The following RERG variants were observed in gnomAD, a reference collection of about 807,000 sequenced individuals.
RERG encodes ras-related and estrogen-regulated growth inhibitor.
Under a neutral mutation model 23.2 loss-of-function variants are expected in RERG, and 25 were observed. The observed-to-expected ratio is 1.08, with a 90% CI of 0.79 to 1.50. The LOEUF (loss-of-function observed/expected upper bound fraction) is 1.50, where lower values mean the gene tolerates loss of function less well. Among genes scored for constraint, RERG ranks in the 40% most tolerant of loss-of-function variants. The pLI, the probability that RERG is intolerant of heterozygous loss-of-function variation, is 0.00. For missense variants in RERG, 253 were observed against 250.1 expected (o/e 1.01, Z -0.08); for synonymous variants, 81 against 89.1 (o/e 0.91, Z 0.51).
intron 2 of RERG, among the ~76,000 whole-genome samples, chr12:15,180,051 C>A (rs990307201): frequency 6.6e-6 from 1 of 151,984 alleles, no homozygotes; most frequent in Non-Finnish European, 1.5e-5. Context: ...TGGGAGAAAC[C>A]TGATGGAGGA....
intron 1 of RERG, among the ~76,000 whole-genome samples, chr12:15,218,536 G>T (rs550141693): frequency 6.6e-6 from 1 of 152,132 alleles, no homozygotes; most frequent in African/African-American, 2.4e-5. Flanking sequence ...GGTATGAAAG[G>T]TGGGCTCATT....
intron 2 of RERG, among the ~76,000 whole-genome samples, chr12:15,206,111 C>A (rs958276369): frequency 2.6e-5 from 4 of 152,216 alleles, no homozygotes; most frequent in South Asian, 2.1e-4. Flanking sequence ...CTAGCTCAAT[C>A]CCTTCCCACT....
chr12:15,191,688 A>G (rs1865073545), intron 2 of RERG, among the ~76,000 whole-genome samples: 1 of 151,918 alleles, frequency 6.6e-6, no homozygotes, highest in African/African-American at 2.4e-5. Context: ...CTGCTATGCT[A>G]TTTCTTCCAC....
At chr12:15,162,236 T>G (rs1252182097) in intron 2 of RERG, among the ~76,000 whole-genome samples, 1 of 152,214 alleles carries the variant, frequency 6.6e-6, no homozygotes, top group Non-Finnish European at 1.5e-5. Flanking sequence ...ACTCTGGTTA[T>G]GCACTGAGTG....
chr12:15,133,146 G>GAGATAT (rs765946906), intron 2 of RERG, among the ~76,000 whole-genome samples: 3 of 125,214 alleles, frequency 2.4e-5, no homozygotes, highest in East Asian at 4.6e-4. Context: ...ATCCTGTGGA[G>GAGATAT]ATATATATAT....
intron 2 of RERG, among the ~76,000 whole-genome samples, chr12:15,189,697 A>T (rs933287565): frequency 1.2e-4 from 19 of 152,164 alleles, no homozygotes; most frequent in African/African-American, 4.6e-4. Context: ...GTAAATAAAC[A>T]TTTGTTGAAT....
intron 2 of RERG, among the ~76,000 whole-genome samples, chr12:15,201,969 T>C (rs1361131763): frequency 6.6e-6 from 1 of 151,724 alleles, no homozygotes; most frequent in Non-Finnish European, 1.5e-5. Flanking sequence ...GAGTAAGCTC[T>C]GTAAGGTATT....
chr12:15,110,271 G>A (rs892918444), intron 4 of RERG, among the ~76,000 whole-genome samples: 3 of 151,932 alleles, frequency 2.0e-5, no homozygotes, highest in East Asian at 1.9e-4. Flanking sequence ...GCCTCTCTTC[G>A]GAATCAGTGC....
intron 2 of RERG, among the ~76,000 whole-genome samples, chr12:15,139,646 A>C (rs1052063488): frequency 6.6e-6 from 1 of 152,174 alleles, no homozygotes; most frequent in Non-Finnish European, 1.5e-5. Context: ...AAAAGCAATT[A>C]ACTTTTATAC....
intron 2 of RERG, among the ~76,000 whole-genome samples, chr12:15,123,094 GC>G (rs1479193622): frequency 2.0e-5 from 3 of 152,096 alleles, no homozygotes; most frequent in African/African-American, 7.2e-5. Flanking sequence ...ACCGCGCCCG[GC>G]CAGACTATGT....
At chr12:15,154,409 A>T (rs1236815675) in intron 2 of RERG, 2 of 152,154 alleles carry the variant, frequency 1.3e-5, no homozygotes, top group Non-Finnish European at 2.9e-5. Flanking sequence ...AAACTCACAT[A>T]TTGCATTATG....
chr12:15,143,084 G>A (rs1035946448), intron 2 of RERG, among the ~76,000 whole-genome samples: 10 of 152,182 alleles, frequency 6.6e-5, no homozygotes, highest in Non-Finnish European at 4.4e-5. Flanking sequence ...AGCTCTGCTG[G>A]AGGATGGGGG....
intron 2 of RERG, among the ~76,000 whole-genome samples, chr12:15,213,020 T>C (rs574996462): frequency 4.6e-5 from 7 of 152,242 alleles, no homozygotes; most frequent in Non-Finnish European, 1.0e-4. Context: ...ATCCAGTTTA[T>C]AGCTTGGCAA....
At chr12:15,199,071 T>A (rs1325272306) in intron 2 of RERG, among the ~76,000 whole-genome samples, 1 of 152,178 alleles carries the variant, frequency 6.6e-6, no homozygotes. Context: ...TCCCTAAAGA[T>A]TCACATCTGT....
intron 2 of RERG, among the ~76,000 whole-genome samples, chr12:15,126,243 GAA>G (rs1863940961): frequency 6.7e-6 from 1 of 148,932 alleles, no homozygotes; most frequent in Non-Finnish European, 1.5e-5. Context: ...TGTTACAAAA[GAA>G]AAGACTAAAA....
intron 2 of RERG, chr12:15,138,209 C>T (rs1864177176): frequency 6.2e-6 from 1 of 161,680 alleles, no homozygotes. Context: ...GGTCTGGTGT[C>T]TGACATTGGG....
intron 2 of RERG, among the ~76,000 whole-genome samples, chr12:15,158,298 T>A (rs1055930069): frequency 1.3e-5 from 2 of 152,162 alleles, no homozygotes; most frequent in Non-Finnish European, 2.9e-5. Context: ...TTTGTTTTTT[T>A]TTAGATAGAA....
intron 2 of RERG, among the ~76,000 whole-genome samples, chr12:15,192,779 C>T (rs1337256806): frequency 6.6e-6 from 1 of 152,000 alleles, no homozygotes; most frequent in Non-Finnish European, 1.5e-5. Flanking sequence ...CTTTCGTGAC[C>T]TTAACACTTT....
chr12:15,191,070 T>C (rs553563855), intron 2 of RERG, among the ~76,000 whole-genome samples: 2 of 152,242 alleles, frequency 1.3e-5, no homozygotes, highest in East Asian at 3.9e-4. Flanking sequence ...CTATCACCCT[T>C]GCCATTTCCT....
Sources: allele counts gnomAD v4.1 joint callset (sites outside exome capture counted in the v4.1 genomes callset), GRCh38; gene constraint gnomAD v4.1.1; transcripts MANE v1.5; gene names NCBI Gene and HGNC (gene_info 2026-07-23, HGNC 2026-07-21).